Variants in FNBP1L observed in about 807,000 individuals in gnomAD.
FNBP1L encodes formin binding protein 1 like, also known as formin-binding protein 1-like.
A neutral mutation model predicts 91.2 loss-of-function variants in FNBP1L; 36 were observed. That is an observed-to-expected ratio of 0.39 (90% CI 0.30 to 0.52). The LOEUF (loss-of-function observed/expected upper bound fraction) is 0.52, where lower values mean the gene tolerates loss of function less well. Among genes scored for constraint, FNBP1L ranks in the 20% least tolerant of loss-of-function variants. The probability of loss-of-function intolerance (pLI) is 0.66; values close to 1 mark genes in which losing one functional copy is unlikely to be tolerated. For missense variants in FNBP1L, 571 were observed against 732.1 expected, an observed-to-expected ratio of 0.78 and a Z score of 2.54; for synonymous variants, 242 against 237.0, an observed-to-expected ratio of 1.02 and a Z score of -0.19.
chr1:93,547,962 G>A (rs1466673703), intron 14 of FNBP1L, among the ~76,000 whole-genome samples: 1 of 152,108 alleles, frequency 6.6e-6, no homozygotes, highest in Non-Finnish European at 1.5e-5. Context: ...AAAAATGTGA[G>A]AGGCCTAGTA....
intron 1 of FNBP1L, among the ~76,000 whole-genome samples, chr1:93,462,107 T>A (rs1335432993): frequency 1.3e-5 from 2 of 152,158 alleles, no homozygotes; most frequent in African/African-American, 4.8e-5. Flanking sequence ...CTTTAGGGAC[T>A]GAGGAAAGAG....
At chr1:93,507,099 ACACACACACTCTCTCTCTCTCTCTCTCT>A (rs1670655284) in intron 2 of FNBP1L, among the ~76,000 whole-genome samples, 2 of 66,374 alleles carry the variant, frequency 3.0e-5, no homozygotes, top group African/African-American at 7.2e-5. Flanking sequence ...ACACACACAC[ACACACACACTCTCTCTCTCTCTCTCTCT>A]CTCTCTCTCT....
intron 1 of FNBP1L, among the ~76,000 whole-genome samples, chr1:93,472,692 G>A (rs565828985): frequency 6.6e-6 from 1 of 151,654 alleles, no homozygotes; most frequent in Admixed American, 6.6e-5. Context: ...GGCGCCTGTA[G>A]TTCCAGCTAC....
chr1:93,540,967 G>T, intron 10 of FNBP1L, 75 bp from the exon 11 acceptor site: 2 of 1,261,254 alleles, frequency 1.6e-6, no homozygotes, highest in South Asian at 1.3e-5. Flanking sequence ...AAAAGAATAG[G>T]CTATTGCATC....
Position 93,549,007 on chromosome 1 carries a change from G to C in FNBP1L, c.1503-271G>C, listed in dbSNP as rs142933. Reference sequence around the variant, plus strand: ...CGTTTTTCTGTTTTATGTCTAGACCGAGTGATAGTGAGGTGTATTTACTGA... The same window carrying C: ...CGTTTTTCTGTTTTATGTCTAGACCCAGTGATAGTGAGGTGTATTTACTGA... On this transcript the variant is annotated intron_variant, in intron 14 of 16. Coordinates refer to ENST00000271234, the MANE Select transcript of FNBP1L (RefSeq NM_001164473.3). 0.84 allele frequency among the ~76,000 whole-genome samples: 128,420 copies of C among 152,162 alleles called. 54,407 individuals carry two copies. Among genetic ancestry groups the C allele is most frequent in the East Asian group, 1 (5,177 of 5,182 alleles).
At chr1:93,547,466 T>A (rs1672280902) in intron 14 of FNBP1L, 25 bp downstream of exon 14, 2 of 1,528,092 alleles carry the variant, frequency 1.3e-6, no homozygotes, top group South Asian at 2.4e-5. Flanking sequence ...TTTATTTGTA[T>A]TTCTTCTCCC....
intron 1 of FNBP1L, among the ~76,000 whole-genome samples, chr1:93,467,749 G>A (rs1669140386): frequency 1.3e-5 from 2 of 151,952 alleles, no homozygotes; most frequent in African/African-American, 2.4e-5. Context: ...AATAGCCACC[G>A]TACTTCAGCC....
At chr1:93,499,859 CG>C (rs1670387580) in intron 2 of FNBP1L, among the ~76,000 whole-genome samples, 1 of 152,088 alleles carries the variant, frequency 6.6e-6, no homozygotes, top group Non-Finnish European at 1.5e-5. Context: ...GAAATATCTG[CG>C]TGTTATTCTG....
chr1:93,469,540 A>G (rs1368489630), intron 1 of FNBP1L, among the ~76,000 whole-genome samples: 12 of 152,204 alleles, frequency 7.9e-5, no homozygotes, highest in Admixed American at 2.0e-4. Context: ...TAGTGCCGCA[A>G]TAAACATACG....
At chr1:93,485,838 A>T (rs917956970) in intron 1 of FNBP1L, among the ~76,000 whole-genome samples, 1 of 152,120 alleles carries the variant, frequency 6.6e-6, no homozygotes, top group Non-Finnish European at 1.5e-5. Context: ...CTGGGATTAC[A>T]GGTGCCTGCC....
intron 1 of FNBP1L, among the ~76,000 whole-genome samples, chr1:93,477,249 A>G (rs1455036417): frequency 2.0e-5 from 3 of 152,242 alleles, no homozygotes; most frequent in Non-Finnish European, 4.4e-5. Context: ...AGGGTAGTAG[A>G]TGGCTAATTA....
chr1:93,523,509 C>T lies in FNBP1L; in HGVS notation c.342+18C>T. On this transcript the variant is annotated intron_variant, in intron 4 of 16. Coordinates refer to ENST00000271234, the MANE Select transcript of FNBP1L (RefSeq NM_001164473.3). ...GAAAAATGGTAATTCTTACAATTTT[C>T]ATCCAATTGCAATAGTATATGAAAT... 6.3e-7 allele frequency: 1 copy of T among 1,587,992 alleles called. No individual in the cohort carries two copies. The highest frequency in any genetic ancestry group is 8.6e-7 in the Non-Finnish European group (1 of 1,165,384).
Position 93,524,208 on chromosome 1 carries a change from T to C in FNBP1L, c.343-53T>C, listed in dbSNP as rs527796664. 16 of 1,354,850 alleles carry C rather than the reference T, an allele frequency of 1.2e-5. 1 individual carries two copies. The South Asian group carries it at 2.6e-4, about 22-fold the overall frequency. The allele number at this position is 1,354,850 out of a possible 1,614,324, so 83.9% of individuals were successfully genotyped here. ...GTTTAAATGTAATTATTTTTATTTG[T>C]TTTTGTTTTATTTTTTATTTTTATT... On this transcript the variant is annotated intron_variant, in intron 4 of 16. Coordinates refer to ENST00000271234, the MANE Select transcript of FNBP1L (RefSeq NM_001164473.3).
rs1214496638 is a variant in FNBP1L at position 93,553,351 on chromosome 1, G to A, written c.*935G>A. On this transcript the variant is annotated 3_prime_UTR_variant, in exon 17 of 17. Coordinates refer to ENST00000271234, the MANE Select transcript of FNBP1L (RefSeq NM_001164473.3). ...CACTACCACTACAGTATCCCACAAAGGGCTTTATGTGTCAGCTCAGTGCGA... is the reference window on the plus strand; with the variant it reads ...CACTACCACTACAGTATCCCACAAAAGGCTTTATGTGTCAGCTCAGTGCGA... The A allele has an allele frequency of 6.6e-6, 1 of 152,658 alleles. No individual in the cohort carries two copies. Among genetic ancestry groups the A allele is most frequent in the Non-Finnish European group, 1.5e-5 (1 of 68,056 alleles). The allele number at this position is 152,658 out of a possible 1,614,324, so 9.5% of individuals were successfully genotyped here.
intron 13 of FNBP1L, among the ~76,000 whole-genome samples, 174 bp from the exon 14 acceptor site, chr1:93,547,173 A>G (rs2101774524): frequency 6.6e-6 from 1 of 152,272 alleles, no homozygotes; most frequent in Middle Eastern, 3.4e-3. Flanking sequence ...AAACATTTAT[A>G]CTATTTTTTT....
chr1:93,468,617 G>C (rs1012681371), intron 1 of FNBP1L, among the ~76,000 whole-genome samples: 3 of 152,130 alleles, frequency 2.0e-5, no homozygotes, highest in Non-Finnish European at 4.4e-5. Flanking sequence ...TTTTGGTAGA[G>C]ATGGGGTTTT....
intron 2 of FNBP1L, among the ~76,000 whole-genome samples, chr1:93,520,389 C>T (rs752983660): frequency 3.3e-5 from 5 of 151,990 alleles, no homozygotes; most frequent in African/African-American, 7.3e-5. Context: ...AAATTGTTTG[C>T]GATGATGGAC....
Position 93,551,069 on chromosome 1 carries a change from T to C in FNBP1L, c.1774T>C (p.Ser592Pro). Residue 592 changes from serine (S) to proline (P), a missense_variant, in exon 16 of 17, where the codon TCA becomes CCA. Ser to Pro is a moderately conservative substitution (Grantham distance 74). Coordinates refer to ENST00000271234, the MANE Select transcript of FNBP1L (RefSeq NM_001164473.3). ...CGGTGAAGAAGGCTACGTTCCCACG[T>C]CATACATAGATGTAACTCTAGAGAA... ...QNGEEGYVPT[S>P]YIDVTLEKNS... is the part of the protein sequence containing the mutation. The C allele has an allele frequency of 6.2e-7, 1 of 1,612,252 alleles. No homozygotes were observed. Among genetic ancestry groups the C allele is most frequent in the Non-Finnish European group, 8.5e-7 (1 of 1,179,022 alleles).
chr1:93,475,923 T>C (rs1669478246), intron 1 of FNBP1L, among the ~76,000 whole-genome samples: 1 of 152,312 alleles, frequency 6.6e-6, no homozygotes, highest in South Asian at 2.1e-4. Flanking sequence ...TATATGAAAA[T>C]GGCTGATTTC....
Sources: gnomAD v4.1 joint callset for allele counts (sites outside exome capture counted in the v4.1 genomes callset) on GRCh38, gnomAD v4.1.1 for gene constraint, MANE v1.5 for transcripts, NCBI Gene and HGNC (gene_info 2026-07-23, HGNC 2026-07-21) for gene names.